The following RHOBTB1 variants were observed in gnomAD, a reference collection of about 807,000 sequenced individuals.
RHOBTB1 encodes Rho related BTB domain containing 1, also known as rho-related BTB domain-containing protein 1.
RHOBTB1 carries 40 observed loss-of-function variants against 71.6 expected under a neutral mutation model. The observed-to-expected ratio is 0.56, with a 90% CI of 0.43 to 0.73. The LOEUF is 0.73. Among genes scored for constraint, RHOBTB1 ranks in the 30% least tolerant of loss-of-function variants. The pLI is 0.00. For missense variants in RHOBTB1, 797 were observed against 894.0 expected (o/e 0.89, Z 1.38); for synonymous variants, 319 against 334.9 (o/e 0.95, Z 0.52).
chr10:60,893,184 A>C (rs1220930711), intron 4 of RHOBTB1, among the ~76,000 whole-genome samples, 189 bp from the exon 5 acceptor site: 2 of 152,108 alleles, frequency 1.3e-5, no homozygotes, highest in African/African-American at 4.8e-5. Context: ...TTCCAGCACC[A>C]ACACAGCCTA....
At chr10:60,909,132 T>C (rs1273772623) in intron 4 of RHOBTB1, among the ~76,000 whole-genome samples, 1 of 152,190 alleles carries the variant, frequency 6.6e-6, no homozygotes. Flanking sequence ...ACTCCAGCTA[T>C]GTCAGAGAGC....
At chr10:60,940,823 A>G (rs2084864273) in intron 2 of RHOBTB1, among the ~76,000 whole-genome samples, 1 of 152,182 alleles carries the variant, frequency 6.6e-6, no homozygotes. Context: ...CAGAGTGGAA[A>G]ATGCTGAACT....
chr10:60,911,001 G>A lies in RHOBTB1; in HGVS notation c.193-11C>T. The A allele has an allele frequency of 1.9e-6, 3 of 1,608,740 alleles. No individual in the cohort carries two copies. The highest frequency in any genetic ancestry group is 2.2e-5 in the East Asian group (1 of 44,826). On this transcript the variant is annotated splice_polypyrimidine_tract_variant and intron_variant, in intron 3 of 10. Transcript: ENST00000337910. ...AGAACGCTCCAAGACCTGCAGGAGAGAGAGAGAGCATCTGTGCTCGGTGTC... is the reference window on the plus strand; with the variant it reads ...AGAACGCTCCAAGACCTGCAGGAGAAAGAGAGAGCATCTGTGCTCGGTGTC...
chr10:60,961,587 C>T (rs1276057234), intron 2 of RHOBTB1, among the ~76,000 whole-genome samples: 1 of 152,064 alleles, frequency 6.6e-6, no homozygotes, highest in East Asian at 1.9e-4. Flanking sequence ...ACCAGCTTAA[C>T]AATTTTCAAA....
chr10:60,865,340 G>T (rs1457904664), downstream of RHOBTB1, among the ~76,000 whole-genome samples: 1 of 152,156 alleles, frequency 6.6e-6, no homozygotes, highest in East Asian at 1.9e-4. Context: ...TTTTCCTCCT[G>T]CTTTATTAAG....
At chr10:60,886,058 A>G (rs1314278757) in intron 7 of RHOBTB1, 54 bp downstream of exon 7, 1 of 1,301,716 alleles carries the variant, frequency 7.7e-7, no homozygotes, top group Non-Finnish European at 1.1e-6. Context: ...ATATAAATAC[A>G]CAGGCACACA....
intron 2 of RHOBTB1, among the ~76,000 whole-genome samples, chr10:60,982,898 C>T (rs2086548339): frequency 6.6e-6 from 1 of 152,102 alleles, no homozygotes; most frequent in South Asian, 2.1e-4. Context: ...CTCTTCCGCT[C>T]CCTTCTTATG....
intron 2 of RHOBTB1, among the ~76,000 whole-genome samples, chr10:60,952,727 C>A (rs34677336): frequency 0.025 from 3,812 of 152,232 alleles, 110 homozygotes; most frequent in Admixed American, 0.087. Flanking sequence ...GGCTACAGCT[C>A]ATCTTAAATT....
chr10:60,908,354 G>A (rs958318253), intron 4 of RHOBTB1, among the ~76,000 whole-genome samples: 9 of 152,144 alleles, frequency 5.9e-5, no homozygotes, highest in South Asian at 2.1e-4. Flanking sequence ...AAAAGGTTTC[G>A]AATACATTTT....
rs138917834 is a variant in RHOBTB1 at position 60,888,687 on chromosome 10, G to T, written c.981C>A (p.Val327=). The change falls in exon 6 of 11, where the codon GTC becomes GTA. Residue 327 remains valine, a synonymous_variant. Transcript: ENST00000337910. ...SRDFQGRILS[V]DPEEEREEGP... ...CCTCCTCCCTTTCTTCCTCTGGGTC[G>T]ACACTCAATATCCGCCCCTGGAAAT... 14 of 1,614,040 alleles carry T rather than the reference G, an allele frequency of 8.7e-6. No homozygotes were observed. The South Asian group carries it at 1.5e-4, about 18-fold the overall frequency.
chr10:60,874,057 T>G (rs7091617), intron 9 of RHOBTB1, among the ~76,000 whole-genome samples: 2,371 of 152,344 alleles, frequency 0.016, 52 homozygotes, highest in African/African-American at 0.055. Context: ...CCACCTCCTC[T>G]CCCTGAAACC....
intron 1 of RHOBTB1, among the ~76,000 whole-genome samples, chr10:60,986,557 A>G (rs2086676777): frequency 6.6e-6 from 1 of 151,596 alleles, no homozygotes. Flanking sequence ...GAAACCCTGT[A>G]AGTCCTATTC....
intron 2 of RHOBTB1, among the ~76,000 whole-genome samples, chr10:60,936,800 T>G (rs78179487): frequency 0.047 from 7,202 of 152,304 alleles, 290 homozygotes; most frequent in African/African-American, 0.1. Flanking sequence ...TAAAAGCAAT[T>G]AATTCCTTGG....
intron 2 of RHOBTB1, among the ~76,000 whole-genome samples, chr10:60,955,668 C>T (rs2085565810): frequency 6.6e-6 from 1 of 152,144 alleles, no homozygotes; most frequent in South Asian, 2.1e-4. Flanking sequence ...GCAGCTGACT[C>T]AGTGTAAGAA....
At chr10:60,966,398 G>T (rs1466672083) in intron 2 of RHOBTB1, among the ~76,000 whole-genome samples, 1 of 151,704 alleles carries the variant, frequency 6.6e-6, no homozygotes, top group Non-Finnish European at 1.5e-5. Context: ...GGCCAGGGGT[G>T]GTAGCTCACC....
At chr10:60,991,431 C>G (rs1589474537) in intron 1 of RHOBTB1, among the ~76,000 whole-genome samples, 1 of 133,970 alleles carries the variant, frequency 7.5e-6, no homozygotes, top group South Asian at 2.4e-4. Flanking sequence ...TCCCTCAGTA[C>G]TTTTTTTTTT....
intron 2 of RHOBTB1, among the ~76,000 whole-genome samples, chr10:60,940,665 T>G (rs2084852772): frequency 6.6e-6 from 1 of 152,212 alleles, no homozygotes; most frequent in African/African-American, 2.4e-5. Context: ...ATTTAGCGGT[T>G]CTGGATGACT....
chr10:60,998,564 C>T (rs2087140465), intron 1 of RHOBTB1, among the ~76,000 whole-genome samples: 1 of 151,936 alleles, frequency 6.6e-6, no homozygotes, highest in Admixed American at 6.6e-5. Context: ...GAAGAAGACT[C>T]CTAGAGGAAG....
chr10:60,889,271 C>G, intron 5 of RHOBTB1, 86 bp from the exon 6 acceptor site: 1 of 1,353,530 alleles, frequency 7.4e-7, no homozygotes, highest in East Asian at 2.4e-5. Flanking sequence ...CCTAATGGAA[C>G]TATACACTGA....
Sources: allele counts gnomAD v4.1 joint callset (sites outside exome capture counted in the v4.1 genomes callset), GRCh38; gene constraint gnomAD v4.1.1; transcripts MANE v1.5; gene names NCBI Gene and HGNC (gene_info 2026-07-23, HGNC 2026-07-21).